Variants in MALRD1 observed in about 807,000 individuals in gnomAD.
MALRD1 encodes MAM and LDL-receptor class A domain-containing protein 1.
Under a neutral mutation model 242.1 loss-of-function variants are expected in MALRD1, and 247 were observed. That is an observed-to-expected ratio of 1.02 (90% CI 0.92 to 1.13). The LOEUF (loss-of-function observed/expected upper bound fraction) is 1.13, where lower values mean the gene tolerates loss of function less well. MALRD1 is among the 50% of genes most tolerant of loss of function. MALRD1 has a pLI of 0.00. For missense variants in MALRD1, 2,989 were observed against 2,533.1 expected (o/e 1.18, Z -3.86); for synonymous variants, 995 against 866.6 (o/e 1.15, Z -2.60).
At chr10:19,252,408 G>A (rs548802575) in intron 18 of MALRD1, among the ~76,000 whole-genome samples, 10 of 152,084 alleles carry the variant, frequency 6.6e-5, no homozygotes, top group East Asian at 1.9e-4. Flanking sequence ...ATCACTTGGC[G>A]CAATGCCTAA....
intron 28 of MALRD1, among the ~76,000 whole-genome samples, chr10:19,449,972 G>A (rs1349846245): frequency 6.6e-6 from 1 of 152,170 alleles, no homozygotes; most frequent in Non-Finnish European, 1.5e-5. Flanking sequence ...TAGTTTTAGA[G>A]TCTCAGCAGA....
intron 5 of MALRD1, among the ~76,000 whole-genome samples, chr10:19,114,213 T>G (rs370745524): frequency 6.6e-6 from 1 of 152,214 alleles, no homozygotes. Context: ...TGAGGCTTTA[T>G]TGAAGAAGAA....
At chr10:19,604,219 A>G (rs931656920) in intron 34 of MALRD1, among the ~76,000 whole-genome samples, 2 of 152,190 alleles carry the variant, frequency 1.3e-5, no homozygotes, top group South Asian at 2.1e-4. Flanking sequence ...AAAGCAAAAC[A>G]GCCTTATTGT....
chr10:19,071,826 C>A lies in MALRD1; in HGVS notation c.340+4967C>A, dbSNP rs143783944. Among the ~76,000 whole-genome samples the A allele has an allele frequency of 8.5e-3, 1,300 of 152,222 alleles. 25 individuals carry two copies. Among genetic ancestry groups the A allele is most frequent in the African/African-American group, 0.03 (1,253 of 41,550 alleles). ...TCTCACTCTCTAGATTACGTTTCTG[C>A]AGCCTCTGTCTGAATATCTGTTTAT... On this transcript the variant is annotated intron_variant, in intron 2 of 39. Coordinates refer to ENST00000454679, the MANE Select transcript of MALRD1 (RefSeq NM_001142308.3).
At chr10:19,673,219 A>G (rs1842001211) in intron 36 of MALRD1, among the ~76,000 whole-genome samples, 1 of 151,952 alleles carries the variant, frequency 6.6e-6, no homozygotes. Flanking sequence ...CATCTCTACT[A>G]AAAAACAATA....
intron 28 of MALRD1, among the ~76,000 whole-genome samples, chr10:19,405,270 T>C (rs1332102510): frequency 1.3e-5 from 2 of 152,188 alleles, no homozygotes; most frequent in Non-Finnish European, 2.9e-5. Flanking sequence ...TCTGGAAATT[T>C]ATGTTCAACA....
chr10:19,594,522 A>T (rs10827627), intron 33 of MALRD1, among the ~76,000 whole-genome samples: 1 of 151,938 alleles, frequency 6.6e-6, no homozygotes, highest in African/African-American at 2.4e-5. Context: ...TATGAAAAAG[A>T]CACATCCTTA....
At chr10:19,203,951 A>G in intron 15 of MALRD1, 71 bp downstream of exon 15, 2 of 1,512,856 alleles carry the variant, frequency 1.3e-6, no homozygotes, top group Non-Finnish European at 1.8e-6. Context: ...GAGAAAGGAA[A>G]GCTAGTACGG....
intron 18 of MALRD1, among the ~76,000 whole-genome samples, chr10:19,254,234 G>C (rs911050293): frequency 1.3e-5 from 2 of 151,986 alleles, no homozygotes; most frequent in African/African-American, 4.8e-5. Flanking sequence ...TTTGAGTCTG[G>C]CTTCTTTCAC....
intron 18 of MALRD1, among the ~76,000 whole-genome samples, chr10:19,234,095 C>A (rs189336784): frequency 6.6e-6 from 1 of 151,738 alleles, no homozygotes; most frequent in Non-Finnish European, 1.5e-5. Context: ...GTTAGAATAC[C>A]TGGATTCTAA....
At chr10:19,247,847 T>C (rs1260519854) in intron 18 of MALRD1, among the ~76,000 whole-genome samples, 1 of 151,988 alleles carries the variant, frequency 6.6e-6, no homozygotes, top group Admixed American at 6.6e-5. Context: ...TTAACCGACG[T>C]TAAATTTAAC....
intron 35 of MALRD1, among the ~76,000 whole-genome samples, chr10:19,608,614 A>C (rs1838745484): frequency 6.6e-6 from 1 of 152,116 alleles, no homozygotes; most frequent in Non-Finnish European, 1.5e-5. Context: ...AGATATATTC[A>C]GTGAAATTTC....
intron 29 of MALRD1, among the ~76,000 whole-genome samples, chr10:19,469,092 TG>T (rs1836368074): frequency 6.6e-6 from 1 of 152,254 alleles, no homozygotes; most frequent in Middle Eastern, 3.4e-3. Flanking sequence ...TCTCTGGGTA[TG>T]GGGTCCTGGA....
Position 19,389,517 on chromosome 10 carries a change from A to G in MALRD1, c.4753A>G (p.Thr1585Ala). 2 of 1,550,612 alleles carry G rather than the reference A, an allele frequency of 1.3e-6. No homozygotes were observed. The highest frequency in any genetic ancestry group is 2.0e-5 in the Admixed American group (1 of 50,998). Residue 1585 changes from threonine to alanine, a missense_variant, in exon 28 of 40, where the codon ACC (threonine) becomes GCC (alanine). Thr to Ala is a moderately conservative substitution (Grantham distance 58, BLOSUM62 0). Coordinates refer to ENST00000454679, the MANE Select transcript of MALRD1 (RefSeq NM_001142308.3). ...GGGTGACAAAGCACACTTCAGGAGTACCATGTGGCGAGAATCCAGTGCAGC... is the reference window on the plus strand; with the variant it reads ...GGGTGACAAAGCACACTTCAGGAGTGCCATGTGGCGAGAATCCAGTGCAGC... Reference protein sequence around the residue: ...LRGDKAHFRSTMWRESSAACT... With the variant: ...LRGDKAHFRSAMWRESSAACT...
intron 32 of MALRD1, among the ~76,000 whole-genome samples, chr10:19,534,456 G>C (rs1298515389): frequency 6.6e-6 from 1 of 152,050 alleles, no homozygotes; most frequent in Non-Finnish European, 1.5e-5. Flanking sequence ...TCTAATTTCG[G>C]TATTACAGTA....
intron 38 of MALRD1, among the ~76,000 whole-genome samples, chr10:19,704,002 C>G (rs1410955806): frequency 6.6e-6 from 1 of 152,126 alleles, no homozygotes; most frequent in African/African-American, 2.4e-5. Flanking sequence ...CATTGCTTTC[C>G]TTTTTAGACT....
At chr10:19,368,631 GT>G (rs943379989) in intron 26 of MALRD1, among the ~76,000 whole-genome samples, 16 of 151,688 alleles carry the variant, frequency 1.1e-4, no homozygotes, top group Non-Finnish European at 2.4e-4. Flanking sequence ...CAGTATTAAG[GT>G]TTTTTTATAT....
chr10:19,629,697 A>T (rs548495230), intron 36 of MALRD1, among the ~76,000 whole-genome samples: 1 of 152,114 alleles, frequency 6.6e-6, no homozygotes, highest in African/African-American at 2.4e-5. Flanking sequence ...GACACAGCTC[A>T]GTGGTGGCGC....
At chr10:19,128,088 A>C in intron 7 of MALRD1, 133 bp from the exon 8 acceptor site, 1 of 512,726 alleles carries the variant, frequency 2.0e-6, no homozygotes, top group Non-Finnish European at 3.0e-6. Context: ...TCATTTGAAA[A>C]CGCTCTATCC....
Sources: gnomAD v4.1 joint callset for allele counts (sites outside exome capture counted in the v4.1 genomes callset) on GRCh38, gnomAD v4.1.1 for gene constraint, MANE v1.5 for transcripts, NCBI Gene and HGNC (gene_info 2026-07-23, HGNC 2026-07-21) for gene names.